ANO1: variants seen among roughly 807,000 people sequenced by gnomAD.
ANO1 encodes anoctamin-1.
ANO1 carries 59 observed loss-of-function variants against 124.0 expected under a neutral mutation model. That is an observed-to-expected ratio of 0.48 (90% CI 0.39 to 0.59). The LOEUF is 0.59. Among genes scored for constraint, ANO1 ranks in the 20% least tolerant of loss-of-function variants. ANO1 has a pLI of 0.00. For synonymous variants in ANO1, 529 were observed against 532.0 expected (o/e 0.99, Z 0.08); for missense variants, 1,059 against 1,328.0 (o/e 0.80, Z 3.15).
At chr11:70,068,102 G>A (rs956916271) in intron 1 of ANO1, among the ~76,000 whole-genome samples, 1 of 152,194 alleles carries the variant, frequency 6.6e-6, no homozygotes, top group African/African-American at 2.4e-5. Context: ...AGAAGGCGGG[G>A]CTCTCAATGG....
At chr11:70,114,915 T>A (rs2045920115) in intron 7 of ANO1, among the ~76,000 whole-genome samples, 1 of 152,200 alleles carries the variant, frequency 6.6e-6, no homozygotes, top group Non-Finnish European at 1.5e-5. Flanking sequence ...AATCAGAGTG[T>A]ATCACCCGTA....
At chr11:70,143,684 A>C (rs1194783288) in intron 11 of ANO1, among the ~76,000 whole-genome samples, 1 of 152,220 alleles carries the variant, frequency 6.6e-6, no homozygotes, top group Non-Finnish European at 1.5e-5. Flanking sequence ...ATCCCGGATG[A>C]AATGGACAGA....
intron 22 of ANO1, among the ~76,000 whole-genome samples, chr11:70,177,707 C>T (rs1414975622): frequency 1.5e-5 from 2 of 137,650 alleles, no homozygotes; most frequent in Admixed American, 1.6e-4. Flanking sequence ...TCAAGCGATT[C>T]TCCTGCCTCA....
intron 1 of ANO1, among the ~76,000 whole-genome samples, chr11:70,000,932 T>C (rs1157785431): frequency 6.6e-6 from 1 of 151,056 alleles, no homozygotes; most frequent in Non-Finnish European, 1.5e-5. Context: ...GATACCCAGC[T>C]TTGGCAAGAA....
chr11:70,035,704 C>G (rs1857083065), intron 1 of ANO1, among the ~76,000 whole-genome samples: 1 of 152,108 alleles, frequency 6.6e-6, no homozygotes, highest in Non-Finnish European at 1.5e-5. Flanking sequence ...CACCCCCTGA[C>G]AGGCCCTGGT....
At chr11:70,009,006 A>T (rs1054878579) in intron 1 of ANO1, among the ~76,000 whole-genome samples, 1 of 152,176 alleles carries the variant, frequency 6.6e-6, no homozygotes, top group African/African-American at 2.4e-5. Context: ...TTCCAGGCAG[A>T]CTAAGGCCTG....
At chr11:70,162,538 C>T (rs3781657) in intron 18 of ANO1, among the ~76,000 whole-genome samples, 16,295 of 152,134 alleles carry the variant, frequency 0.11, 971 homozygotes, top group Middle Eastern at 0.18. Flanking sequence ...AAACCTTCCA[C>T]GCCTGGGCCC....
intron 25 of ANO1, among the ~76,000 whole-genome samples, chr11:70,186,541 C>G (rs1314882213): frequency 1.3e-5 from 2 of 152,114 alleles, no homozygotes; most frequent in Admixed American, 1.3e-4. Context: ...GGACCCAGCC[C>G]CAGCTGGCCC....
At chr11:70,031,476 T>C (rs1233794709) in intron 1 of ANO1, among the ~76,000 whole-genome samples, 5 of 152,198 alleles carry the variant, frequency 3.3e-5, no homozygotes, top group African/African-American at 1.2e-4. Flanking sequence ...TATCCTTTGA[T>C]TGGCAATTCT....
At chr11:70,145,729 G>C (rs2047345681) in intron 11 of ANO1, among the ~76,000 whole-genome samples, 1 of 152,080 alleles carries the variant, frequency 6.6e-6, no homozygotes, top group African/African-American at 2.4e-5. Flanking sequence ...GTGAGGCCAG[G>C]AGTTCAAGAC....
chr11:69,969,569 A>T, the ANO1 span, among the ~76,000 whole-genome samples: 6 of 152,256 alleles, frequency 3.9e-5, no homozygotes, highest in South Asian at 1.2e-3. Flanking sequence ...CTCCTGGGAA[A>T]GTGCATCTCT....
intron 3 of ANO1, among the ~76,000 whole-genome samples, chr11:70,103,710 C>G (rs991490489): frequency 6.6e-6 from 1 of 152,146 alleles, no homozygotes. Flanking sequence ...TCCTGCTTCT[C>G]GCGTCCTCAG....
intron 1 of ANO1, among the ~76,000 whole-genome samples, chr11:70,061,990 TGTGAGGATGAGCAATAGA>T (rs571907512): frequency 0.016 from 2,364 of 151,826 alleles, 27 homozygotes; most frequent in Non-Finnish European, 0.025. Flanking sequence ...ATAGACTTTG[TGTGAGGATGAGCAATAGA>T]GTATGCAACC....
At chr11:70,119,483 A>G (rs187573887) in intron 8 of ANO1, among the ~76,000 whole-genome samples, 35 of 147,186 alleles carry the variant, frequency 2.4e-4, no homozygotes, top group African/African-American at 7.6e-4. Context: ...TGAATGATGG[A>G]TGCTGGAGGA....
intron 7 of ANO1, among the ~76,000 whole-genome samples, chr11:70,115,194 T>C (rs1285812059): frequency 6.6e-6 from 1 of 152,096 alleles, no homozygotes; most frequent in African/African-American, 2.4e-5. Context: ...CTTGCTTGAG[T>C]GTGTGGTCAA....
At chr11:70,058,834 T>A (rs1036243350) in intron 1 of ANO1, among the ~76,000 whole-genome samples, 27 of 151,950 alleles carry the variant, frequency 1.8e-4, no homozygotes, top group African/African-American at 5.3e-4. Context: ...GGTATGAAGG[T>A]TCCACTGAAT....
Position 70,153,116 on chromosome 11 carries a change from C to T in ANO1, c.1413C>T (p.Ser471=), listed in dbSNP as rs17853149. ...RVLEKSLKKE[S]RNKEKRRHIP... is the part of the protein sequence containing the mutation. ...TGGAGAAGTCTCTGAAGAAAGAGTC[C>T]AGAAACAAAGAGGTATGGTGGCCAC... The change falls in exon 14 of 26, where the codon TCC becomes TCT. Residue 471 remains serine (S), a synonymous_variant. Transcript: ENST00000355303. 1.9e-6 allele frequency: 3 copies of T among 1,605,198 alleles called. No homozygotes were observed. Among genetic ancestry groups the T allele is most frequent in the Non-Finnish European group, 2.6e-6 (3 of 1,175,764 alleles).
At chr11:70,096,694 C>A (rs2044983292) in intron 2 of ANO1, among the ~76,000 whole-genome samples, 1 of 152,080 alleles carries the variant, frequency 6.6e-6, no homozygotes. Context: ...AACCCCGTCT[C>A]TACTAAAAAT....
At chr11:70,185,757 C>T in intron 25 of ANO1, 62 bp downstream of exon 25, 1 of 1,542,656 alleles carries the variant, frequency 6.5e-7, no homozygotes, top group South Asian at 1.1e-5. Context: ...CCATCCTGTG[C>T]CTACAGTCTG....
Sources: allele counts gnomAD v4.1 joint callset (sites outside exome capture counted in the v4.1 genomes callset), GRCh38; gene constraint gnomAD v4.1.1; transcripts MANE v1.5; gene names NCBI Gene and HGNC (gene_info 2026-07-23, HGNC 2026-07-21).